The following MLLT10 variants were observed in gnomAD, a reference collection of about 807,000 sequenced individuals.
MLLT10 encodes the protein protein AF-10.
MLLT10 carries 30 observed loss-of-function variants against 129.1 expected under a neutral mutation model. That is an observed-to-expected ratio of 0.23 (90% CI 0.17 to 0.32). MLLT10 has a LOEUF of 0.32. Among genes scored for constraint, MLLT10 ranks in the 10% least tolerant of loss-of-function variants. MLLT10 has a pLI of 1.00. For synonymous variants in MLLT10, 490 were observed against 446.4 expected (o/e 1.10, Z -1.23); for missense variants, 1,119 against 1,268.3 (o/e 0.88, Z 1.79).
intron 3 of MLLT10, among the ~76,000 whole-genome samples, chr10:21,540,997 T>C (rs554563634): frequency 5.1e-4 from 77 of 152,038 alleles, no homozygotes; most frequent in African/African-American, 1.7e-3. Context: ...CCACCTCTAC[T>C]AAAAATACAA....
At chr10:21,719,514 A>G (rs2056984497) in intron 14 of MLLT10, among the ~76,000 whole-genome samples, 1 of 152,172 alleles carries the variant, frequency 6.6e-6, no homozygotes, top group Admixed American at 6.5e-5. Flanking sequence ...GAATTTCCCA[A>G]TTATGTACTT....
intron 5 of MLLT10, among the ~76,000 whole-genome samples, chr10:21,601,217 A>G (rs1422313535): frequency 6.6e-6 from 1 of 152,188 alleles, no homozygotes; most frequent in Admixed American, 6.5e-5. Context: ...AAGTGTTGGA[A>G]TTACAAGCGT....
intron 3 of MLLT10, among the ~76,000 whole-genome samples, chr10:21,563,209 A>G (rs183344729): frequency 3.9e-5 from 6 of 152,214 alleles, no homozygotes; most frequent in African/African-American, 1.4e-4. Context: ...AGGATGTTAT[A>G]TAAATGGGAT....
At chr10:21,681,622 G>T (rs958967094) in intron 12 of MLLT10, among the ~76,000 whole-genome samples, 2 of 152,082 alleles carry the variant, frequency 1.3e-5, no homozygotes, top group African/African-American at 2.4e-5. Context: ...TTTTGTTGCA[G>T]AATTGTGACT....
chr10:21,611,314 T>G (rs1432109932), intron 5 of MLLT10, among the ~76,000 whole-genome samples: 1 of 151,968 alleles, frequency 6.6e-6, no homozygotes, highest in Non-Finnish European at 1.5e-5. Flanking sequence ...CAGAGAATCC[T>G]AGGTTTTCAA....
intron 9 of MLLT10, among the ~76,000 whole-genome samples, chr10:21,667,578 T>C (rs2050950931): frequency 6.6e-6 from 1 of 152,054 alleles, no homozygotes; most frequent in Admixed American, 6.6e-5. Context: ...TTACATGTTG[T>C]AGTCTCAAGG....
intron 9 of MLLT10, among the ~76,000 whole-genome samples, chr10:21,668,074 C>T (rs143424247): frequency 6.6e-6 from 1 of 151,848 alleles, no homozygotes; most frequent in Non-Finnish European, 1.5e-5. Flanking sequence ...ACAACAACAA[C>T]AAAAAAAGAA....
At chr10:21,569,602 G>A (rs919832482) in intron 3 of MLLT10, among the ~76,000 whole-genome samples, 6 of 151,700 alleles carry the variant, frequency 4.0e-5, no homozygotes, top group African/African-American at 1.5e-4. Flanking sequence ...TGTATTTTTA[G>A]CAGAGACAGG....
rs146557685 is a variant in MLLT10, at chr10:21,723,343, C to G, written c.1879-2901C>G. ...TAAGGATAAATATTAATATAAAGCC[C>G]TTGGCAGAAGGAACCCTTCCTAAAA... On this transcript the variant is annotated intron_variant, in intron 14 of 22. Coordinates refer to ENST00000307729, the MANE Select transcript of MLLT10 (RefSeq NM_001195626.3). Among the ~76,000 whole-genome samples the G allele has an allele frequency of 4.7e-3, 717 of 152,194 alleles. 3 individuals carry two copies. Among genetic ancestry groups the G allele is most frequent in the African/African-American group, 0.016 (685 of 41,522 alleles).
At chr10:21,614,781 G>T (rs775706272) in intron 6 of MLLT10, 50 bp from the exon 7 acceptor site, 1 of 1,428,432 alleles carries the variant, frequency 7.0e-7, no homozygotes, top group South Asian at 1.2e-5. Context: ...TATATATACA[G>T]GTACTGTGAT....
chr10:21,658,755 C>G (rs1350597537), intron 9 of MLLT10, among the ~76,000 whole-genome samples: 1 of 152,094 alleles, frequency 6.6e-6, no homozygotes, highest in Non-Finnish European at 1.5e-5. Flanking sequence ...GCCTCTGCCT[C>G]TTGGGTTAAT....
At chr10:21,590,680 A>G (rs780831037) in intron 4 of MLLT10, among the ~76,000 whole-genome samples, 8 of 152,130 alleles carry the variant, frequency 5.3e-5, no homozygotes, top group Non-Finnish European at 1.0e-4. Flanking sequence ...TTTGCTAGCA[A>G]TGGTAGTAAT....
At position 21,639,295 on chromosome 10, in the gene MLLT10, G is replaced by A. The variant is rs536011960; in HGVS notation, c.700-12378G>A. On this transcript the variant is annotated intron_variant, in intron 8 of 22. Transcript: ENST00000307729. ...ATCTGCGTTTGGACACTATCCACCT[G>A]GAGATGGCATCAGATTACACAGGTT... is the stretch of plus-strand genomic sequence containing the variant. Among the ~76,000 whole-genome samples, 4 of 152,300 alleles carry A rather than the reference G, an allele frequency of 2.6e-5. No individual in the cohort carries two copies. In the East Asian group the frequency reaches 7.7e-4, roughly 29 times the overall value.
At chr10:21,673,982 A>G (rs536651027) in intron 11 of MLLT10, 63 bp downstream of exon 11, 65 of 1,302,506 alleles carry the variant, frequency 5.0e-5, no homozygotes, top group Non-Finnish European at 6.5e-5. Flanking sequence ...TTCTGTCCCA[A>G]AACGTTTTCA....
intron 13 of MLLT10, among the ~76,000 whole-genome samples, chr10:21,694,420 G>T (rs1048943262): frequency 6.6e-6 from 1 of 152,112 alleles, no homozygotes; most frequent in African/African-American, 2.4e-5. Flanking sequence ...ACATAATCAG[G>T]CTTTCCCAAT....
chr10:21,582,103 ATTG>A (rs1564451245), intron 3 of MLLT10, among the ~76,000 whole-genome samples: 5 of 151,112 alleles, frequency 3.3e-5, no homozygotes, highest in Admixed American at 2.6e-4. Flanking sequence ...CTTATAGTAC[ATTG>A]TTATTTTTTT....
intron 13 of MLLT10, among the ~76,000 whole-genome samples, chr10:21,699,893 T>C (rs972101034): frequency 6.6e-6 from 1 of 152,194 alleles, no homozygotes; most frequent in African/African-American, 2.4e-5. Flanking sequence ...GTTAGAATTG[T>C]TTTTTCTATT....
chr10:21,707,100 T>A (rs1197212884), intron 13 of MLLT10, among the ~76,000 whole-genome samples: 1 of 152,036 alleles, frequency 6.6e-6, no homozygotes, highest in Non-Finnish European at 1.5e-5. Flanking sequence ...ACCATCTCAG[T>A]AAGGGCACTT....
intron 3 of MLLT10, among the ~76,000 whole-genome samples, chr10:21,539,999 A>C (rs1430846223): frequency 1.3e-5 from 2 of 151,988 alleles, no homozygotes; most frequent in African/African-American, 4.8e-5. Flanking sequence ...TCACACCTGT[A>C]ATCCCACCAC....
Sources: gnomAD v4.1 joint callset for allele counts (sites outside exome capture counted in the v4.1 genomes callset) on GRCh38, gnomAD v4.1.1 for gene constraint, MANE v1.5 for transcripts, NCBI Gene and HGNC (gene_info 2026-07-23, HGNC 2026-07-21) for gene names.